Variants in HECW2 observed in about 807,000 individuals in gnomAD.
HECW2 encodes the protein HECT, C2 and WW domain containing E3 ubiquitin protein ligase 2, also known as E3 ubiquitin-protein ligase HECW2.
Under a neutral mutation model 175.2 loss-of-function variants are expected in HECW2, and 61 were observed. That is an observed-to-expected ratio of 0.35 (90% CI 0.28 to 0.43). The LOEUF is 0.43. Ranked by LOEUF, HECW2 falls within the 20% of genes least tolerant of loss-of-function variation. The pLI, the probability that HECW2 is intolerant of heterozygous loss-of-function variation, is 1.00. For synonymous variants in HECW2, 671 were observed against 731.0 expected (o/e 0.92, Z 1.32); for missense variants, 1,524 against 2,000.5 (o/e 0.76, Z 4.54).
At chr2:196,420,249 C>A (rs766719445) in intron 2 of HECW2, among the ~76,000 whole-genome samples, 59 of 152,316 alleles carry the variant, frequency 3.9e-4, no homozygotes, top group Admixed American at 1.2e-3. Context: ...TGCAGTTTCT[C>A]TGAAGTCCAT....
chr2:196,320,151 G>C (rs1050832670), intron 8 of HECW2, among the ~76,000 whole-genome samples, 188 bp downstream of exon 8: 6 of 152,164 alleles, frequency 3.9e-5, no homozygotes, highest in Non-Finnish European at 8.8e-5. Context: ...ATCAATCTAA[G>C]AGACATTTTT....
At chr2:196,334,341 C>A in intron 4 of HECW2, 83 bp downstream of exon 4, 1 of 1,000,266 alleles carries the variant, frequency 1.0e-6, no homozygotes, top group Non-Finnish European at 1.5e-6. Flanking sequence ...TTCCTCATAA[C>A]CCTGTCAGGG....
intron 2 of HECW2, among the ~76,000 whole-genome samples, chr2:196,407,247 C>G (rs1183852679): frequency 6.7e-6 from 1 of 150,108 alleles, no homozygotes; most frequent in Non-Finnish European, 1.5e-5. Context: ...TCTCCTGGCT[C>G]ACTGCAACCT....
chr2:196,368,172 T>C (rs565328489), intron 2 of HECW2, among the ~76,000 whole-genome samples: 4 of 152,292 alleles, frequency 2.6e-5, no homozygotes, highest in African/African-American at 7.2e-5. Flanking sequence ...GTTAGTTCAA[T>C]GTTTAGTTTT....
chr2:196,334,099 C>T (rs557732069), intron 4 of HECW2, among the ~76,000 whole-genome samples: 1 of 152,280 alleles, frequency 6.6e-6, no homozygotes. Flanking sequence ...GATGCAATGC[C>T]ACTCTTTCCT....
At chr2:196,257,796 C>T (rs1475664326) in intron 18 of HECW2, 27 bp downstream of exon 18, 17 of 1,518,662 alleles carry the variant, frequency 1.1e-5, no homozygotes, top group Non-Finnish European at 1.3e-5. Flanking sequence ...AGACCTTCTG[C>T]TTCAAGAGTG....
intron 21 of HECW2, chr2:196,240,242 C>G (rs1004977163): frequency 8.1e-6 from 3 of 369,070 alleles, no homozygotes; most frequent in Non-Finnish European, 9.7e-6. Context: ...TCTAAAGCTA[C>G]AAGTTTTTAC....
chr2:196,460,246 A>G (rs879531046), intron 1 of HECW2, among the ~76,000 whole-genome samples: 1 of 152,240 alleles, frequency 6.6e-6, no homozygotes, highest in Non-Finnish European at 1.5e-5. Context: ...GGGGATGGGC[A>G]TAATTAAAAG....
In HECW2 at chr2:196,380,199, C is replaced by CA. The variant is rs1370439386; in HGVS notation, c.293-36436dup. On this transcript the variant is annotated intron_variant, in intron 2 of 28. Transcript: ENST00000644978. Reference sequence around the variant, plus strand: ...GCACAAAGATTTGCTTAAATGCACTCAATCAGTAAGTCCCCCAGCCTTTGC... The same window carrying CA: ...GCACAAAGATTTGCTTAAATGCACTCAAATCAGTAAGTCCCCCAGCCTTTGC... Among the ~76,000 whole-genome samples the CA allele has an allele frequency of 3.3e-5, 5 of 152,354 alleles. No homozygotes were observed. The East Asian group carries it at 9.6e-4, about 29-fold the overall frequency.
chr2:196,424,227 T>C (rs1695482321), intron 2 of HECW2, among the ~76,000 whole-genome samples: 1 of 152,070 alleles, frequency 6.6e-6, no homozygotes, highest in Non-Finnish European at 1.5e-5. Context: ...TCAATGAATA[T>C]TGTGTGTGTT....
chr2:196,429,785 C>T (rs575549074), intron 2 of HECW2, among the ~76,000 whole-genome samples: 1 of 152,282 alleles, frequency 6.6e-6, no homozygotes, highest in African/African-American at 2.4e-5. Flanking sequence ...TCTGAGTCAA[C>T]CGGAGTACTA....
chr2:196,474,763 A>G (rs951085289), intron 1 of HECW2, among the ~76,000 whole-genome samples: 1 of 152,208 alleles, frequency 6.6e-6, no homozygotes, highest in African/African-American at 2.4e-5. Context: ...ATGGAATGTT[A>G]TAATTTCATA....
chr2:196,485,841 G>A (rs1251306663), intron 1 of HECW2, among the ~76,000 whole-genome samples: 1 of 152,170 alleles, frequency 6.6e-6, no homozygotes, highest in Non-Finnish European at 1.5e-5. Context: ...GATCAAAAGT[G>A]TGAGGGAGGA....
At chr2:196,402,347 G>C (rs1694845699) in intron 2 of HECW2, among the ~76,000 whole-genome samples, 1 of 152,054 alleles carries the variant, frequency 6.6e-6, no homozygotes, top group Non-Finnish European at 1.5e-5. Flanking sequence ...TTCATTTCTG[G>C]GGGGATGGCT....
At chr2:196,515,568 G>C (rs1229329192) in intron 1 of HECW2, among the ~76,000 whole-genome samples, 1 of 152,156 alleles carries the variant, frequency 6.6e-6, no homozygotes, top group Non-Finnish European at 1.5e-5. Context: ...GTAACAACAT[G>C]CAACCCTTTC....
rs780260651 is a variant in HECW2 at position 196,222,345 on chromosome 2, G to A, written c.4017-5C>T. 24 of 1,612,196 alleles carry A rather than the reference G, an allele frequency of 1.5e-5. No individual in the cohort carries two copies. The highest frequency in any genetic ancestry group is 1.9e-5 in the Non-Finnish European group (22 of 1,179,182). Reference sequence around the variant, plus strand: ...AGGTCACTCAGGTCACATAGACTAAGATGACAAACAGACAGAAACAAATAT... The same window carrying A: ...AGGTCACTCAGGTCACATAGACTAAAATGACAAACAGACAGAAACAAATAT... On this transcript the variant is annotated splice_polypyrimidine_tract_variant and splice_region_variant and intron_variant, in intron 23 of 28. Coordinates refer to ENST00000644978, the MANE Select transcript of HECW2 (RefSeq NM_001348768.2).
chr2:196,573,872 A>AC (rs1369765717), intron 1 of HECW2, among the ~76,000 whole-genome samples: 3 of 150,982 alleles, frequency 2.0e-5, no homozygotes, highest in Non-Finnish European at 4.4e-5. Flanking sequence ...AACAACAACA[A>AC]AAAAAAAACA....
chr2:196,567,009 A>C (rs964168217), intron 1 of HECW2, among the ~76,000 whole-genome samples: 1 of 152,112 alleles, frequency 6.6e-6, no homozygotes, highest in African/African-American at 2.4e-5. Flanking sequence ...ATGACCATCC[A>C]TGGAGAGAAA....
chr2:196,393,380 G>C (rs1370917144), intron 2 of HECW2, among the ~76,000 whole-genome samples: 1 of 152,116 alleles, frequency 6.6e-6, no homozygotes, highest in Non-Finnish European at 1.5e-5. Flanking sequence ...CAGAATGGGA[G>C]AAAATTTTTA....
Sources: gnomAD v4.1 joint callset for allele counts (sites outside exome capture counted in the v4.1 genomes callset) on GRCh38, gnomAD v4.1.1 for gene constraint, MANE v1.5 for transcripts, NCBI Gene and HGNC (gene_info 2026-07-23, HGNC 2026-07-21) for gene names.